ZBTB34: variants seen among roughly 807,000 people sequenced by gnomAD.
ZBTB34 encodes zinc finger and BTB domain containing 34.
ZBTB34 carries 1 observed loss-of-function variant against 33.4 expected under a neutral mutation model. That is an observed-to-expected ratio of 0.03 (90% CI 0.01 to 0.14). ZBTB34 has a LOEUF of 0.14. Ranked by LOEUF, ZBTB34 falls within the 10% of genes least tolerant of loss-of-function variation. ZBTB34 has a pLI of 1.00. For synonymous variants in ZBTB34, 283 were observed against 253.5 expected (o/e 1.12, Z -1.11); for missense variants, 406 against 657.2 (o/e 0.62, Z 4.18).
At chr9:126,882,053 G>A (rs1439762195) in exon 2 of ZBTB34, 1 of 166,870 alleles carries the variant, frequency 6.0e-6, no homozygotes, top group Non-Finnish European at 1.5e-5. Context: ...GCAGAACTTA[G>A]AATTTGTACT....
chr9:126,869,976 C>T lies in ZBTB34; in HGVS notation c.-11+9237C>T, dbSNP rs77126931. On this transcript the variant is annotated intron_variant, in intron 1 of 1. Transcript: ENST00000319119. ...AGAGTATAGTTTTTATAAACAAAAA[C>T]AGAATTTTTGTTAAAATACGTATCG... is the stretch of plus-strand genomic sequence containing the variant. 6.2e-3 allele frequency among the ~76,000 whole-genome samples: 950 copies of T among 152,178 alleles called. 38 individuals carry two copies. The East Asian group carries it at 0.1, about 16-fold the overall frequency.
chr9:126,863,533 T>G (rs1422317907), intron 1 of ZBTB34, among the ~76,000 whole-genome samples: 2 of 152,258 alleles, frequency 1.3e-5, no homozygotes, highest in Non-Finnish European at 1.5e-5. Flanking sequence ...GTTACTTTAG[T>G]TTAAATTCTG....
intron 1 of ZBTB34, among the ~76,000 whole-genome samples, chr9:126,876,645 G>A (rs758600828): frequency 1.6e-4 from 25 of 152,094 alleles, no homozygotes; most frequent in Non-Finnish European, 2.5e-4. Flanking sequence ...GTCATCTTCT[G>A]GTATCAGATT....
chr9:126,860,969 C>G (rs2119200517), intron 1 of ZBTB34, among the ~76,000 whole-genome samples: 1 of 151,760 alleles, frequency 6.6e-6, no homozygotes, highest in Middle Eastern at 3.4e-3. Flanking sequence ...AGGCGCGCGT[C>G]CCCGAGGGGC....
chr9:126,882,039 A>C (rs1180047782), exon 2 of ZBTB34: 1 of 166,900 alleles, frequency 6.0e-6, no homozygotes, highest in African/African-American at 2.4e-5. Context: ...TTCCCAGGGA[A>C]ACTGCAGAAC....
At chr9:126,878,874 A>C (rs1346752383) in intron 1 of ZBTB34, among the ~76,000 whole-genome samples, 3 of 151,892 alleles carry the variant, frequency 2.0e-5, no homozygotes, top group South Asian at 4.2e-4. Context: ...CAGGTGCACA[A>C]CACCACACCA....
chr9:126,879,849 G>A lies in ZBTB34; in HGVS notation c.450G>A (p.Glu150=). The A allele has an allele frequency of 6.2e-7, 1 of 1,613,094 alleles. No individual in the cohort carries two copies. Among genetic ancestry groups the A allele is most frequent in the Non-Finnish European group, 8.5e-7 (1 of 1,179,874 alleles). ...CCGTCGGTGCTGAAGAGAATCCCGA[G>A]AGTCGAAACGGAGTGAAAGACAGCA... is the stretch of plus-strand genomic sequence containing the variant. The change falls in exon 2 of 2, where the codon GAG becomes GAA. Residue 150 remains glutamate (E), a synonymous_variant. Coordinates refer to ENST00000319119, the Ensembl canonical transcript of ZBTB34. This position sits in a 1 kb window ranked among gnomAD's most constrained non-coding sequence, Gnocchi z 6.4.
In ZBTB34 at chr9:126,879,801, C is replaced by G; in HGVS notation, c.402C>G (p.Ser134Arg). ...TAGAGAGCATCCATTCCAAAATCAG[C>G]GTTGGAGATGTTGACTCTGTTACCG... is the stretch of plus-strand genomic sequence containing the variant. The change falls in exon 2 of 2, where the codon AGC becomes AGG. Residue 134 changes from serine to arginine, a missense_variant. Transcript: ENST00000319119. This position sits in a 1 kb window ranked among gnomAD's most constrained non-coding sequence, Gnocchi z 6.4. 6.2e-7 allele frequency: 1 copy of G among 1,613,306 alleles called. No individual in the cohort carries two copies. Among genetic ancestry groups the G allele is most frequent in the Non-Finnish European group, 8.5e-7 (1 of 1,179,880 alleles).
intron 1 of ZBTB34, among the ~76,000 whole-genome samples, chr9:126,877,061 GT>G (rs1414689788): frequency 6.6e-6 from 1 of 152,100 alleles, no homozygotes. Flanking sequence ...GGCATCATTT[GT>G]TTTTCCTTTT....
At chr9:126,873,770 A>G (rs570503938) in intron 1 of ZBTB34, among the ~76,000 whole-genome samples, 2 of 150,782 alleles carry the variant, frequency 1.3e-5, no homozygotes, top group Admixed American at 1.3e-4. Context: ...ACGCCCAGCT[A>G]ATTTTTGTAT....
At position 126,880,512 on chromosome 9, in the gene ZBTB34, G is replaced by A. The variant is rs771542422; in HGVS notation, c.1113G>A (p.Pro371=). Residue 371 remains proline (P), a synonymous_variant, in exon 2 of 2, where the codon CCG becomes CCA. Coordinates refer to ENST00000319119, the Ensembl canonical transcript of ZBTB34. This position sits in a 1 kb window ranked among gnomAD's most constrained non-coding sequence, Gnocchi z 6.7. ...GGAGTGCGAGAGGGCATTGGTACCC[G>A]TACAATGAGAGGTTGATCTGTATTT... The A allele has an allele frequency of 4.3e-6, 7 of 1,613,820 alleles. No homozygotes were observed. Among genetic ancestry groups the A allele is most frequent in the Non-Finnish European group, 5.1e-6 (6 of 1,179,880 alleles).
At position 126,879,826 on chromosome 9, in the gene ZBTB34, G is replaced by A. The variant is rs371808949; in HGVS notation, c.427G>A (p.Val143Ile). The stretch of plus-strand genomic sequence containing the variant: ...CGTTGGAGATGTTGACTCTGTTACC[G>A]TCGGTGCTGAAGAGAATCCCGAGAG... Residue 143 changes from valine to isoleucine, a missense_variant, in exon 2 of 2, where the codon GTC becomes ATC. By Grantham distance (29) the Val-to-Ile change is conservative. Transcript: ENST00000319119. This position sits in a 1 kb window ranked among gnomAD's most constrained non-coding sequence, Gnocchi z 6.4. 75 of 1,613,072 alleles carry A rather than the reference G, an allele frequency of 4.6e-5. No individual in the cohort carries two copies. The highest frequency in any genetic ancestry group is 3.7e-4 in the South Asian group (34 of 91,086).
chr9:126,867,635 T>G (rs1015928442), intron 1 of ZBTB34, among the ~76,000 whole-genome samples: 2 of 152,044 alleles, frequency 1.3e-5, no homozygotes, highest in African/African-American at 4.8e-5. Context: ...GTATTTTTTT[T>G]GTCATGTACT....
At position 126,879,875 on chromosome 9, in the gene ZBTB34, G is replaced by A. The variant is rs368055757; in HGVS notation, c.476G>A (p.Ser159Asn). The change falls in exon 2 of 2, where the codon AGC becomes AAC. Residue 159 changes from serine (S) to asparagine (N), a missense_variant. Transcript: ENST00000319119. The surrounding 1 kb of genome is among the most constrained non-coding windows in gnomAD (Gnocchi z 6.4). The stretch of plus-strand genomic sequence containing the variant: ...AGTCGAAACGGAGTGAAAGACAGCA[G>A]CTTCTTTGCCAACCCAGTGGAGATC... The A allele has an allele frequency of 1.2e-6, 2 of 1,613,044 alleles. No homozygotes were observed. Among genetic ancestry groups the A allele is most frequent in the Non-Finnish European group, 1.7e-6 (2 of 1,179,882 alleles).
At chr9:126,861,682 C>T (rs1008481558) in intron 1 of ZBTB34, among the ~76,000 whole-genome samples, 2 of 152,218 alleles carry the variant, frequency 1.3e-5, no homozygotes, top group Non-Finnish European at 2.9e-5. Flanking sequence ...AATCCTCATT[C>T]ATCCCTTGCT....
rs770441428 is a variant in ZBTB34 at position 126,879,308 on chromosome 9, T to G, written c.-10-82T>G. The G allele has an allele frequency of 1.7e-4, 191 of 1,105,408 alleles. 1 individual carries two copies. Among genetic ancestry groups the G allele is most frequent in the Non-Finnish European group, 1.9e-4 (143 of 763,850 alleles). The allele number at this position is 1,105,408 out of a possible 1,614,324, so 68.5% of individuals were successfully genotyped here. A position where few individuals can be genotyped will look rare whatever the true frequency, so the allele number is the denominator to read the frequency against. On this transcript the variant is annotated intron_variant, in intron 1 of 1. Transcript: ENST00000319119. This position sits in a 1 kb window ranked among gnomAD's most constrained non-coding sequence, Gnocchi z 6.4. The stretch of plus-strand genomic sequence containing the variant: ...AGGAGGTATGATAGCCACAATGGTA[T>G]TGTTGTTGTAAGCTTGTGTTTATGC...
At chr9:126,883,246 G>T (rs1196062909) in exon 2 of ZBTB34, 1 of 166,642 alleles carries the variant, frequency 6.0e-6, no homozygotes, top group East Asian at 1.9e-4. Flanking sequence ...TACAAATTAA[G>T]TTTGTGACAA....
exon 2 of ZBTB34, chr9:126,881,436 T>C (rs1264972195): frequency 1.2e-5 from 2 of 164,844 alleles, no homozygotes; most frequent in Non-Finnish European, 1.5e-5. Flanking sequence ...TTATTCTGGT[T>C]GAGGTGAATG....
In ZBTB34 at chr9:126,876,296, T is replaced by C. The variant is rs1363151741; in HGVS notation, c.-10-3094T>C. Among the ~76,000 whole-genome samples the C allele has an allele frequency of 2.3e-5, 3 of 130,962 alleles. No individual in the cohort carries two copies. In the East Asian group the frequency reaches 6.9e-4, roughly 30 times the overall value. 85.9% of individuals were successfully genotyped at this position (130,962 alleles called of 152,430 possible). ...GTTTCCTTTTTAAGGATGATGTTGC[T>C]ATTGGTTTGTAGTAGATACACTTTA... On this transcript the variant is annotated intron_variant, in intron 1 of 1. Transcript: ENST00000319119.
Sources: gnomAD v4.1 joint callset for allele counts (sites outside exome capture counted in the v4.1 genomes callset) on GRCh38, gnomAD v4.1.1 for gene constraint, Gnocchi (gnomAD v3.1) non-coding constraint, MANE v1.5 for transcripts, NCBI Gene and HGNC (gene_info 2026-07-23, HGNC 2026-07-21) for gene names.